The following GBF1 variants were observed in gnomAD, a reference collection of about 807,000 sequenced individuals.
GBF1 encodes the protein golgi brefeldin A resistant guanine nucleotide exchange factor 1, also known as Golgi-specific brefeldin A-resistance guanine nucleotide exchange factor 1.
GBF1 carries 114 observed loss-of-function variants against 210.5 expected under a neutral mutation model. The observed-to-expected ratio is 0.54, with a 90% confidence interval of 0.47 to 0.63. GBF1 has a LOEUF of 0.63. GBF1 is among the 30% of genes least tolerant of loss of function. GBF1 has a pLI of 0.00. For synonymous variants in GBF1, 850 were observed against 889.2 expected (o/e 0.96, Z 0.78); for missense variants, 1,851 against 2,357.7 (o/e 0.79, Z 4.45).
intron 3 of GBF1, among the ~76,000 whole-genome samples, chr10:102,265,481 C>T (rs2073761924): frequency 6.6e-6 from 1 of 151,974 alleles, no homozygotes; most frequent in African/African-American, 2.4e-5. Flanking sequence ...AGTTCGAGAC[C>T]AGCATGGGCA....
At position 102,376,538 on chromosome 10, in the gene GBF1, A is replaced by G. The variant is rs1316607236; in HGVS notation, c.4048-22A>G. 6 of 1,613,622 alleles carry G rather than the reference A, an allele frequency of 3.7e-6. 1 individual carries two copies. In the South Asian group the frequency reaches 5.5e-5, roughly 15 times the overall value. On this transcript the variant is annotated intron_variant, in intron 31 of 39. Transcript: ENST00000369983. ...ACACAGGGGCCAAGCCTGTGTCCCC[A>G]GCTCCTCTGTGTACTTTACAGGTTG...
intron 3 of GBF1, among the ~76,000 whole-genome samples, chr10:102,304,048 A>G (rs1474191264): frequency 6.6e-6 from 1 of 152,134 alleles, no homozygotes; most frequent in Non-Finnish European, 1.5e-5. Context: ...TTATATGTGA[A>G]GTCTCCATCT....
chr10:102,284,551 A>G (rs944593655), intron 3 of GBF1, among the ~76,000 whole-genome samples: 3 of 152,148 alleles, frequency 2.0e-5, no homozygotes, highest in African/African-American at 7.2e-5. Context: ...TTCTCTTAGC[A>G]TAATGTTTTT....
chr10:102,375,550 G>A lies in GBF1; in HGVS notation c.3852G>A (p.Leu1284=). 6.2e-7 allele frequency: 1 copy of A among 1,613,600 alleles called. No homozygotes were observed. The highest frequency in any genetic ancestry group is 8.5e-7 in the Non-Finnish European group (1 of 1,179,576). ...IGSGVKPPAA[L]QATARADAPD... is the part of the protein sequence containing the mutation. The stretch of plus-strand genomic sequence containing the variant: ...CAGGTGTGAAGCCTCCAGCTGCTCT[G>A]CAGGCCACAGCCAGGGCAGATGCAC... The change falls in exon 30 of 40, where the codon CTG becomes CTA. Residue 1284 remains leucine (L), a synonymous_variant. Coordinates refer to ENST00000369983, the MANE Select transcript of GBF1 (RefSeq NM_001377137.1).
At chr10:102,276,895 T>A (rs1283280743) in intron 3 of GBF1, among the ~76,000 whole-genome samples, 7 of 152,156 alleles carry the variant, frequency 4.6e-5, no homozygotes, top group Non-Finnish European at 1.0e-4. Flanking sequence ...TTTCTTGAAT[T>A]TTTATTTTGA....
intron 3 of GBF1, among the ~76,000 whole-genome samples, chr10:102,278,381 C>T (rs1001088420): frequency 3.9e-5 from 6 of 152,048 alleles, no homozygotes; most frequent in Admixed American, 3.9e-4. Flanking sequence ...CCAGCCTCAA[C>T]TGGTCCTCCT....
At chr10:102,250,667 G>T (rs1011194700) in intron 1 of GBF1, among the ~76,000 whole-genome samples, 5 of 151,930 alleles carry the variant, frequency 3.3e-5, no homozygotes, top group Admixed American at 2.6e-4. Flanking sequence ...GTTTAAAAGT[G>T]ATTAAGAGGC....
At chr10:102,317,892 A>C (rs2055971532) in intron 3 of GBF1, among the ~76,000 whole-genome samples, 2 of 133,960 alleles carry the variant, frequency 1.5e-5, no homozygotes, top group African/African-American at 5.1e-5. Context: ...TTGGTTATTT[A>C]TTTATTTATT....
At chr10:102,266,708 A>G (rs1198822443) in intron 3 of GBF1, among the ~76,000 whole-genome samples, 1 of 152,252 alleles carries the variant, frequency 6.6e-6, no homozygotes, top group East Asian at 1.9e-4. Context: ...TTTCACATGT[A>G]AAGCTGTTAT....
intron 1 of GBF1, among the ~76,000 whole-genome samples, chr10:102,245,987 C>T (rs1352809519): frequency 6.6e-6 from 1 of 152,092 alleles, no homozygotes; most frequent in Admixed American, 6.5e-5. Flanking sequence ...GCAGGAGGGG[C>T]GATTTCTGCT....
chr10:102,329,933 A>ACC (rs199518068), intron 3 of GBF1, among the ~76,000 whole-genome samples: 2 of 151,754 alleles, frequency 1.3e-5, no homozygotes, highest in Admixed American at 1.3e-4. Context: ...ACATAGCAAG[A>ACC]CCCCCTATCT....
rs754506398 is a variant in GBF1 at position 102,259,078 on chromosome 10, AG to A, written c.96+48del. 3.1e-6 allele frequency: 3 copies of A among 960,710 alleles called. No homozygotes were observed. In the African/African-American group the frequency reaches 4.8e-5, roughly 15 times the overall value. 59.5% of individuals were successfully genotyped at this position (960,710 alleles called of 1,614,324 possible). A position where few individuals can be genotyped will look rare whatever the true frequency, so the allele number is the denominator to read the frequency against. On this transcript the variant is annotated intron_variant, in intron 2 of 39. Transcript: ENST00000369983. ...AATAGCCTGGTCACTAAGTTTTTAT[AG>A]GGGATCTGTTGGCATGGTTAAAAGA...
chr10:102,377,812 C>T (rs1463338788), intron 33 of GBF1, among the ~76,000 whole-genome samples: 1 of 152,164 alleles, frequency 6.6e-6, no homozygotes, highest in Admixed American at 6.5e-5. Flanking sequence ...CTTGTCTATC[C>T]TTCCAGAGTT....
At chr10:102,360,974 CAAAAAAA>C in intron 12 of GBF1, 41 bp from the exon 13 acceptor site, 1 of 694,986 alleles carries the variant, frequency 1.4e-6, no homozygotes, top group Non-Finnish European at 2.3e-6. Context: ...AACTCCGCCT[CAAAAAAA>C]AAAAAAAAAA....
At chr10:102,287,801 ATAT>A (rs1490812152) in intron 3 of GBF1, among the ~76,000 whole-genome samples, 1 of 152,186 alleles carries the variant, frequency 6.6e-6, no homozygotes. Context: ...CACTCCTGCT[ATAT>A]TATATTAGTC....
the GBF1 span, among the ~76,000 whole-genome samples, chr10:102,236,850 C>A: frequency 6.6e-6 from 1 of 152,126 alleles, no homozygotes; most frequent in Non-Finnish European, 1.5e-5. Context: ...ATGAGAGGAG[C>A]TGGAGTTGTG....
intron 1 of GBF1, 24 bp from the exon 2 acceptor site, chr10:102,258,905 C>T (rs1045990494): frequency 8.5e-7 from 1 of 1,177,842 alleles, no homozygotes. Context: ...ATTAACCAGA[C>T]TATTATCTTA....
At position 102,366,025 on chromosome 10, in the gene GBF1, T is replaced by A. The variant is rs1003707073; in HGVS notation, c.2310-358T>A. ...AACATCCCTACCTCAAAGCGGTCTCTATAAATTTCTTCTGGAGACCCTAGC... is the reference window on the plus strand; with the variant it reads ...AACATCCCTACCTCAAAGCGGTCTCAATAAATTTCTTCTGGAGACCCTAGC... On this transcript the variant is annotated intron_variant, in intron 18 of 39. Transcript: ENST00000369983. This position sits in a 1 kb window ranked among gnomAD's most constrained non-coding sequence, Gnocchi z 4.0. 5.9e-5 allele frequency among the ~76,000 whole-genome samples: 9 copies of A among 152,130 alleles called. No individual in the cohort carries two copies. The highest frequency in any genetic ancestry group is 2.2e-4 in the African/African-American group (9 of 41,436).
chr10:102,333,250 C>T (rs2057465398), intron 3 of GBF1, among the ~76,000 whole-genome samples: 1 of 152,130 alleles, frequency 6.6e-6, no homozygotes, highest in South Asian at 2.1e-4. Flanking sequence ...TGGGTTTGAC[C>T]CTTAAGCCCA....
Sources: allele counts gnomAD v4.1 joint callset (sites outside exome capture counted in the v4.1 genomes callset), GRCh38; gene constraint gnomAD v4.1.1; non-coding constraint Gnocchi (gnomAD v3.1); transcripts MANE v1.5; gene names NCBI Gene and HGNC (gene_info 2026-07-23, HGNC 2026-07-21).